MEGF10: variants seen among roughly 807,000 people sequenced by gnomAD.
MEGF10 encodes multiple epidermal growth factor-like domains protein 10.
Under a neutral mutation model 147.5 loss-of-function variants are expected in MEGF10, and 86 were observed. The observed-to-expected ratio is 0.58, with a 90% CI of 0.49 to 0.70. MEGF10 has a LOEUF of 0.70. MEGF10 is among the 30% of genes least tolerant of loss of function. MEGF10 has a pLI of 0.00. For synonymous variants in MEGF10, 478 were observed against 525.5 expected (o/e 0.91, Z 1.24); for missense variants, 1,329 against 1,487.3 (o/e 0.89, Z 1.75).
chr5:127,367,537 A>G (rs1762701493), intron 4 of MEGF10, among the ~76,000 whole-genome samples: 1 of 152,074 alleles, frequency 6.6e-6, no homozygotes, highest in African/African-American at 2.4e-5. Flanking sequence ...ATTGGTGAGA[A>G]CTACACTATT....
intron 14 of MEGF10, 60 bp from the exon 15 acceptor site, chr5:127,434,627 C>G (rs1470506780): frequency 1.8e-5 from 27 of 1,517,910 alleles, no homozygotes; most frequent in Non-Finnish European, 2.1e-5. Context: ...AGATCCCGAT[C>G]TGGAATGCGA....
intron 4 of MEGF10, among the ~76,000 whole-genome samples, chr5:127,351,318 A>G (rs1762079089): frequency 6.6e-6 from 1 of 152,176 alleles, no homozygotes; most frequent in Admixed American, 6.5e-5. Context: ...CCATTTCTTT[A>G]AATTCAATAT....
intron 5 of MEGF10, among the ~76,000 whole-genome samples, chr5:127,396,311 A>C (rs1324862243): frequency 6.6e-6 from 1 of 152,138 alleles, no homozygotes; most frequent in African/African-American, 2.4e-5. Context: ...ATTTATTGAC[A>C]TGATTGTCAA....
intron 4 of MEGF10, among the ~76,000 whole-genome samples, chr5:127,342,780 C>T (rs1761732984): frequency 6.6e-6 from 1 of 152,104 alleles, no homozygotes; most frequent in Non-Finnish European, 1.5e-5. Flanking sequence ...GCATTTGCCT[C>T]AAAAATTCTC....
In MEGF10 at chr5:127,340,573, T is replaced by C. The variant is rs1255314411; in HGVS notation, c.262T>C (p.Tyr88His). The C allele has an allele frequency of 1.9e-6, 3 of 1,612,898 alleles. No individual in the cohort carries two copies. The highest frequency in any genetic ancestry group is 2.7e-5 in the African/African-American group (2 of 74,870). ...CTATCGACATGGGGAGAAGACTATGTATAGGCGCAAGTCTCAGTGTTGTCC... is the reference window on the plus strand; with the variant it reads ...CTATCGACATGGGGAGAAGACTATGCATAGGCGCAAGTCTCAGTGTTGTCC... Reference protein sequence around the residue: ...TAYRHGEKTMYRRKSQCCPGF... With the variant: ...TAYRHGEKTMHRRKSQCCPGF... The change falls in exon 4 of 25, where the codon TAT becomes CAT. Residue 88 changes from tyrosine (Y) to histidine (H), a missense_variant. Transcript: ENST00000503335.
intron 4 of MEGF10, among the ~76,000 whole-genome samples, chr5:127,355,530 C>T (rs182433096): frequency 3.7e-4 from 57 of 152,116 alleles, no homozygotes; most frequent in African/African-American, 1.0e-3. Flanking sequence ...CTATGGTGTC[C>T]GACGTGGTTC....
intron 5 of MEGF10, among the ~76,000 whole-genome samples, chr5:127,380,673 A>C (rs1046227767): frequency 6.6e-6 from 1 of 152,010 alleles, no homozygotes; most frequent in South Asian, 2.1e-4. Context: ...GCCTGTCACC[A>C]CGTCCAGCTA....
At position 127,391,578 on chromosome 5, in the gene MEGF10, A is replaced by T. The variant is rs556711715; in HGVS notation, c.413-4954A>T. 2.0e-4 allele frequency among the ~76,000 whole-genome samples: 31 copies of T among 151,890 alleles called. No individual in the cohort carries two copies. In the East Asian group the frequency reaches 5.0e-3, roughly 25 times the overall value. Reference sequence around the variant, plus strand: ...GAGTGAGACCCTGTCTAAAATAAAAAAAAAAAAAAAGAGAGTGCTGGTTTC... The same window carrying T: ...GAGTGAGACCCTGTCTAAAATAAAATAAAAAAAAAAGAGAGTGCTGGTTTC... On this transcript the variant is annotated intron_variant, in intron 5 of 24. Coordinates refer to ENST00000503335, the MANE Select transcript of MEGF10 (RefSeq NM_001256545.2).
At chr5:127,315,080 CA>C (rs1214668972) in intron 1 of MEGF10, among the ~76,000 whole-genome samples, 4 of 152,148 alleles carry the variant, frequency 2.6e-5, no homozygotes, top group African/African-American at 7.2e-5. Flanking sequence ...TTGATGAGGA[CA>C]AGAACAGAAG....
At chr5:127,276,035 A>G in the MEGF10 span, among the ~76,000 whole-genome samples, 1 of 152,224 alleles carries the variant, frequency 6.6e-6, no homozygotes, top group Non-Finnish European at 1.5e-5. Flanking sequence ...GGGCTGGGTA[A>G]CCAGGAAAGT....
rs1054079586 is a variant in MEGF10, at chr5:127,419,247, A to G, written c.1426+7A>G. The G allele has an allele frequency of 1.2e-6, 2 of 1,610,546 alleles. No homozygotes were observed. The highest frequency in any genetic ancestry group is 1.7e-6 in the Non-Finnish European group (2 of 1,179,212). ...TCTTGTACTTGCAAGGCAGGTAAGA[A>G]TGGGTAAATAAGTCTTTAATTTGAT... On this transcript the variant is annotated splice_region_variant and intron_variant, in intron 11 of 24. Transcript: ENST00000503335.
At chr5:127,289,998 G>C (rs1049137898), upstream of MEGF10, among the ~76,000 whole-genome samples, 1 of 152,210 alleles carries the variant, frequency 6.6e-6, no homozygotes, top group Admixed American at 6.5e-5. Context: ...TGGACAGTCA[G>C]AGAAGCAGAT....
chr5:127,385,128 C>T (rs559857622), intron 5 of MEGF10, among the ~76,000 whole-genome samples: 18 of 152,230 alleles, frequency 1.2e-4, no homozygotes, highest in African/African-American at 4.3e-4. Context: ...TTGTACTTTG[C>T]CCATGTTTTA....
At position 127,359,926 on chromosome 5, in the gene MEGF10, A is replaced by T. The variant is rs1419579846; in HGVS notation, c.320-9984A>T. On this transcript the variant is annotated intron_variant, in intron 4 of 24. Transcript: ENST00000503335. ...GGATGGCTGAACCACTTGGTAGTTGATACAGAAGTGTTCAGAGATACTTTA... is the reference window on the plus strand; with the variant it reads ...GGATGGCTGAACCACTTGGTAGTTGTTACAGAAGTGTTCAGAGATACTTTA... Among the ~76,000 whole-genome samples, 4 of 152,112 alleles carry T rather than the reference A, an allele frequency of 2.6e-5. No individual in the cohort carries two copies. In the East Asian group the frequency reaches 5.8e-4, roughly 22 times the overall value.
At chr5:127,239,299 T>A in the MEGF10 span, among the ~76,000 whole-genome samples, 1 of 150,738 alleles carries the variant, frequency 6.6e-6, no homozygotes, top group Admixed American at 6.6e-5. Context: ...AATTAGATAA[T>A]GTTAAAGTTC....
intron 5 of MEGF10, among the ~76,000 whole-genome samples, chr5:127,392,775 T>G (rs1763751664): frequency 6.6e-6 from 1 of 152,182 alleles, no homozygotes; most frequent in African/African-American, 2.4e-5. Flanking sequence ...TCTCTACTAG[T>G]TTTCACTTAC....
chr5:127,438,326 A>G, intron 16 of MEGF10, 113 bp from the exon 17 acceptor site: 1 of 1,218,924 alleles, frequency 8.2e-7, no homozygotes, highest in Non-Finnish European at 1.2e-6. Flanking sequence ...CTTAGTCCTG[A>G]TGTACACTGC....
chr5:127,397,390 A>AT (rs1402782753), intron 6 of MEGF10, among the ~76,000 whole-genome samples: 1 of 152,226 alleles, frequency 6.6e-6, no homozygotes, highest in Non-Finnish European at 1.5e-5. Context: ...TCTGAGGAAC[A>AT]TTCAAGCAAC....
the MEGF10 span, among the ~76,000 whole-genome samples, chr5:127,242,083 G>A: frequency 2.0e-5 from 3 of 152,218 alleles, no homozygotes; most frequent in Admixed American, 6.5e-5. Flanking sequence ...CTGTCATTAT[G>A]AAATCAGTGA....
Sources: allele counts gnomAD v4.1 joint callset (sites outside exome capture counted in the v4.1 genomes callset), GRCh38; gene constraint gnomAD v4.1.1; transcripts MANE v1.5; gene names NCBI Gene and HGNC (gene_info 2026-07-23, HGNC 2026-07-21).